Variants in GEM observed in about 807,000 individuals in gnomAD.
GEM encodes GTP-binding protein GEM.
In GEM, 31 loss-of-function variants were observed where a neutral mutation model predicts 33.0. The observed-to-expected ratio is 0.94, with a 90% CI of 0.71 to 1.27. The LOEUF (loss-of-function observed/expected upper bound fraction) is 1.27. Among genes scored for constraint, GEM ranks in the 50% most tolerant of loss-of-function variants. The pLI is 0.00. For missense variants in GEM, 354 were observed against 390.5 expected, an observed-to-expected ratio of 0.91 and a Z score of 0.79; for synonymous variants, 141 against 143.7, an observed-to-expected ratio of 0.98 and a Z score of 0.13.
rs550393204 is a variant in GEM, at chr8:94,260,275, G to A, written c.229C>T (p.Arg77Ter). 1.3e-5 allele frequency: 21 copies of A among 1,613,768 alleles called. No individual in the cohort carries two copies. Among genetic ancestry groups the A allele is most frequent in the African/African-American group, 4.0e-5 (3 of 75,042 alleles). ...CCCTGCTCCCCTATGAGCACCACTC[G>A]GTAGTAGGTGTTCCCTGACTCAGAG... is the stretch of plus-strand genomic sequence containing the variant. ...ISSESGNTYY[R>*]VVLIGEQGVG... The change falls in exon 2 of 5, where the codon CGA becomes TGA. Residue 77 changes from arginine (R) to a stop codon, truncating the protein, a stop_gained. Coordinates refer to ENST00000297596, the MANE Select transcript of GEM (RefSeq NM_005261.4). LOFTEE classifies it high-confidence loss of function.
intron 2 of GEM, chr8:94,259,807 A>G (rs568923108): frequency 5.4e-6 from 1 of 183,694 alleles, no homozygotes; most frequent in African/African-American, 2.3e-5. Context: ...TAACCATGGA[A>G]AAAGGCTGTG....
chr8:94,261,901 T>C (rs1270587775), intron 1 of GEM, among the ~76,000 whole-genome samples, 189 bp downstream of exon 1: 1 of 151,866 alleles, frequency 6.6e-6, no homozygotes, highest in African/African-American at 2.4e-5. Flanking sequence ...GACCAGCCGG[T>C]TTTTTAGTCT....
At chr8:94,260,076 A>C (rs1808980782) in intron 2 of GEM, 97 bp downstream of exon 2, 1 of 770,712 alleles carries the variant, frequency 1.3e-6, no homozygotes, top group Admixed American at 2.3e-5. Flanking sequence ...GCCTAACTTC[A>C]GCTCCCAACT....
At chr8:94,252,392 T>C (rs1166679128) in intron 3 of GEM, among the ~76,000 whole-genome samples, 169 bp from the exon 4 acceptor site, 2 of 152,228 alleles carry the variant, frequency 1.3e-5, no homozygotes, top group African/African-American at 2.4e-5. Flanking sequence ...TCTATGCCTA[T>C]AAGATGTCTG....
chr8:94,261,155 G>T (rs1356446274), intron 1 of GEM, among the ~76,000 whole-genome samples: 1 of 152,018 alleles, frequency 6.6e-6, no homozygotes, highest in Non-Finnish European at 1.5e-5. Flanking sequence ...GGGGTAGGGG[G>T]GAAATTTTCT....
chr8:94,254,587 T>C (rs1283041046), intron 2 of GEM, among the ~76,000 whole-genome samples: 1 of 152,186 alleles, frequency 6.6e-6, no homozygotes, highest in Non-Finnish European at 1.5e-5. Flanking sequence ...AGGAAGCTGG[T>C]TCTTGCCATA....
At chr8:94,260,092 G>T in intron 2 of GEM, 81 bp downstream of exon 2, 1 of 889,946 alleles carries the variant, frequency 1.1e-6, no homozygotes, top group Non-Finnish European at 1.8e-6. Context: ...CAACTCTGTG[G>T]GTAAATAAGT....
At chr8:94,252,266 G>T in intron 3 of GEM, 43 bp from the exon 4 acceptor site, 1 of 1,287,730 alleles carries the variant, frequency 7.8e-7, no homozygotes, top group Non-Finnish European at 1.1e-6. Context: ...GTTAGGCCTG[G>T]GGAATAAAGC....
intron 2 of GEM, among the ~76,000 whole-genome samples, chr8:94,259,159 C>T (rs1242833859): frequency 2.0e-5 from 3 of 152,160 alleles, no homozygotes; most frequent in African/African-American, 7.2e-5. Flanking sequence ...CCTCATGAGG[C>T]AGTGAACTCC....
At chr8:94,257,031 T>G (rs924619955) in intron 2 of GEM, among the ~76,000 whole-genome samples, 3 of 152,170 alleles carry the variant, frequency 2.0e-5, no homozygotes, top group Non-Finnish European at 2.9e-5. Context: ...CCAATGAGAC[T>G]TCCGTACTTT....
Position 94,252,240 on chromosome 8 carries a change from A to G in GEM, c.409-17T>C. On this transcript the variant is annotated splice_polypyrimidine_tract_variant and intron_variant, in intron 3 of 4. Coordinates refer to ENST00000297596, the MANE Select transcript of GEM (RefSeq NM_005261.4). ...ATTTTCCCCCTAATGAAACAATAAG[A>G]TCTTCTGTGAGTTCAGTTAGGCCTG... The G allele has an allele frequency of 2.6e-6, 4 of 1,553,748 alleles. No individual in the cohort carries two copies. The highest frequency in any genetic ancestry group is 3.5e-6 in the Non-Finnish European group (4 of 1,129,036).
chr8:94,253,193 C>G, intron 2 of GEM, 81 bp from the exon 3 acceptor site: 1 of 774,998 alleles, frequency 1.3e-6, no homozygotes, highest in Non-Finnish European at 2.3e-6. Flanking sequence ...GAAAATTGTG[C>G]TAGAACATAA....
Position 94,260,236 on chromosome 8 carries a change from T to C in GEM, c.268A>G (p.Thr90Ala), listed in dbSNP as rs747832501. ...LIGEQGVGKSTLANIFAGVHD... is the reference protein window; with the variant it reads ...LIGEQGVGKSALANIFAGVHD... Reference sequence around the variant, plus strand: ...ACACCTGCAAAGATGTTGGCCAGAGTGGACTTGCCCACCCCCTGCTCCCCT... The same window carrying C: ...ACACCTGCAAAGATGTTGGCCAGAGCGGACTTGCCCACCCCCTGCTCCCCT... The change falls in exon 2 of 5, where the codon ACT (threonine) becomes GCT (alanine). Residue 90 changes from threonine to alanine, a missense_variant. Coordinates refer to ENST00000297596, the MANE Select transcript of GEM (RefSeq NM_005261.4). 15 of 1,612,918 alleles carry C rather than the reference T, an allele frequency of 9.3e-6. No homozygotes were observed. The South Asian group carries it at 1.5e-4, about 17-fold the overall frequency.
chr8:94,257,874 A>AT (rs1379018945), intron 2 of GEM, among the ~76,000 whole-genome samples: 2 of 152,132 alleles, frequency 1.3e-5, no homozygotes, highest in African/African-American at 2.4e-5. Context: ...TAAAAAAAAA[A>AT]AAATGTAGGG....
At chr8:94,256,840 T>G (rs1808900984) in intron 2 of GEM, among the ~76,000 whole-genome samples, 1 of 152,252 alleles carries the variant, frequency 6.6e-6, no homozygotes, top group Non-Finnish European at 1.5e-5. Context: ...ACTTACTATG[T>G]GCCAGGCACC....
intron 2 of GEM, among the ~76,000 whole-genome samples, chr8:94,257,077 A>G (rs1010517549): frequency 3.3e-5 from 5 of 152,224 alleles, no homozygotes; most frequent in African/African-American, 4.8e-5. Context: ...CACCTAGCTC[A>G]GGGCTTCCAA....
chr8:94,249,384 C>A lies in GEM; in HGVS notation c.*926G>T, dbSNP rs982979561. The A allele has an allele frequency of 1.6e-4, 25 of 151,980 alleles. No individual in the cohort carries two copies. The highest frequency in any genetic ancestry group is 5.8e-4 in the African/African-American group (24 of 41,360). 9.4% of individuals were successfully genotyped at this position (151,980 alleles called of 1,614,324 possible). A position where few individuals can be genotyped will look rare whatever the true frequency, so the allele number is the denominator to read the frequency against. On this transcript the variant is annotated 3_prime_UTR_variant, in exon 5 of 5. Transcript: ENST00000297596. ...AAATATGTTCATAAATATGCTTTAT[C>A]AAATGTTAAAATGGTTATTTTGCAA...
At chr8:94,252,576 T>C (rs1266485381) in intron 3 of GEM, among the ~76,000 whole-genome samples, 2 of 152,208 alleles carry the variant, frequency 1.3e-5, no homozygotes, top group African/African-American at 2.4e-5. Flanking sequence ...AACTCCCTTT[T>C]GCCTTTTCCA....
chr8:94,260,438 C>T lies in GEM; in HGVS notation c.66G>A (p.Trp22Ter). ...GATGCCTGCCATCAGCTGGGATGCT[C>T]CAGCGCTGCTGCTGTGGCTGCATGC... ...TVGMQPQQQRWSIPADGRHLM... is the reference protein window; with the variant it reads ...TVGMQPQQQR Residue 22 changes from tryptophan (W) to a stop codon, truncating the protein, a stop_gained, in exon 2 of 5, where the codon TGG becomes TGA. Transcript: ENST00000297596. LOFTEE classifies it high-confidence loss of function. The T allele has an allele frequency of 6.2e-7, 1 of 1,613,800 alleles. No individual in the cohort carries two copies.
Sources: allele counts gnomAD v4.1 joint callset (sites outside exome capture counted in the v4.1 genomes callset), GRCh38; gene constraint gnomAD v4.1.1; transcripts MANE v1.5; gene names NCBI Gene and HGNC (gene_info 2026-07-23, HGNC 2026-07-21).